The following PRRT2 variants were observed in gnomAD, a reference collection of about 807,000 sequenced individuals.
PRRT2 encodes proline-rich transmembrane protein 2.
Under a neutral mutation model 24.7 loss-of-function variants are expected in PRRT2, and 9 were observed. The ratio of observed to expected loss-of-function variants is 0.36; its 90% confidence interval spans 0.22 to 0.64. PRRT2 has a LOEUF of 0.64. Among genes scored for constraint, PRRT2 ranks in the 30% least tolerant of loss-of-function variants. The pLI, the probability that PRRT2 is intolerant of heterozygous loss-of-function variation, is 0.65. For missense variants in PRRT2, 460 were observed against 435.0 expected (o/e 1.06, Z -0.51); for synonymous variants, 195 against 175.5 (o/e 1.11, Z -0.88).
At position 29,813,935 on chromosome 16, in the gene PRRT2, T is replaced by G; in HGVS notation, c.879+2T>G. On this transcript the variant is annotated splice_donor_variant, in intron 2 of 3. Transcript: ENST00000358758. LOFTEE classifies it high-confidence loss of function. ...GTGGCCTTCGCTTATGCTGTCATGG[T>G]GAGCCCCATGGGACCCTAGCCCAGG... The G allele has an allele frequency of 6.3e-7, 1 of 1,583,032 alleles. No individual in the cohort carries two copies. The highest frequency in any genetic ancestry group is 8.6e-7 in the Non-Finnish European group (1 of 1,163,474).
In PRRT2 at chr16:29,813,241, C is replaced by T; in HGVS notation, c.187C>T (p.Pro63Ser). The T allele has an allele frequency of 1.9e-6, 3 of 1,613,854 alleles. No homozygotes were observed. Among genetic ancestry groups the T allele is most frequent in the Non-Finnish European group, 2.5e-6 (3 of 1,179,926 alleles). ...NTTAAPVDSG[P>S]KAGLAPETTE... ...CACTGCGGCCCCTGTGGACTCAGGG[C>T]CCAAGGCTGGGCTGGCTCCAGAAAC... Residue 63 changes from proline (P) to serine (S), a missense_variant, in exon 2 of 4, where the codon CCC becomes TCC. This residue lies in a region of PRRT2 where 378 missense variants were observed against 324.6 expected (regional missense o/e 1.16). Coordinates refer to ENST00000358758, the MANE Select transcript of PRRT2 (RefSeq NM_145239.3).
rs587778771 is a variant in PRRT2 at position 29,813,694 on chromosome 16, G to GCC, written c.648_649dup (p.Arg217ProfsTer13). The GCC allele has an allele frequency of 1.5e-5, 23 of 1,505,428 alleles. No homozygotes were observed. The highest frequency in any genetic ancestry group is 2.7e-6 in the Non-Finnish European group (3 of 1,105,664). 93.3% of individuals were successfully genotyped at this position (1,505,428 alleles called of 1,614,324 possible). A position where few individuals can be genotyped will look rare whatever the true frequency, so the allele number is the denominator to read the frequency against. On this transcript the variant is annotated frameshift_variant, in exon 2 of 4. Coordinates refer to ENST00000358758, the MANE Select transcript of PRRT2 (RefSeq NM_145239.3). LOFTEE classifies it high-confidence loss of function. ...AAAAAAATCCCCCCCAGCCAATGGG[G>GCC]CCCCCCCCCGAGTGCTGCAGCAGCT...
Position 29,814,106 on chromosome 16 carries a change from G to C in PRRT2, c.879+173G>C. 6.8e-7 allele frequency: 1 copy of C among 1,472,164 alleles called. No homozygotes were observed. Among genetic ancestry groups the C allele is most frequent in the South Asian group, 1.4e-5 (1 of 70,920 alleles). The allele number at this position is 1,472,164 out of a possible 1,614,324, so 91.2% of individuals were successfully genotyped here. ...CTCTCCCTAGGACCTAACCCTCTGA[G>C]CCACCACTGCCCTGCCCCTTTGGGT... On this transcript the variant is annotated intron_variant, in intron 2 of 3. Coordinates refer to ENST00000358758, the MANE Select transcript of PRRT2 (RefSeq NM_145239.3). This position sits in a 1 kb window ranked among gnomAD's most constrained non-coding sequence, Gnocchi z 4.1.
In PRRT2 at chr16:29,813,502, C is replaced by G; in HGVS notation, c.448C>G (p.Pro150Ala). 3 of 1,613,742 alleles carry G rather than the reference C, an allele frequency of 1.9e-6. No individual in the cohort carries two copies. The highest frequency in any genetic ancestry group is 2.5e-6 in the Non-Finnish European group (3 of 1,179,748). The change falls in exon 2 of 4, where the codon CCT becomes GCT. Residue 150 changes from proline to alanine, a missense_variant. This residue lies in a region of PRRT2 where 378 missense variants were observed against 324.6 expected (regional missense o/e 1.16). Transcript: ENST00000358758. ...PQPDPRPDSQ[P>A]TPKPALQPEL... is the part of the protein sequence containing the mutation. The stretch of plus-strand genomic sequence containing the variant: ...ACCAGACCCCCGGCCAGATTCCCAG[C>G]CTACCCCCAAGCCAGCCCTTCAACC...
At position 29,814,375 on chromosome 16, in the gene PRRT2, C is replaced by A. The variant is rs932713001; in HGVS notation, c.922C>A (p.Arg308Ser). 6.2e-7 allele frequency: 1 copy of A among 1,609,936 alleles called. No individual in the cohort carries two copies. The highest frequency in any genetic ancestry group is 1.3e-5 in the African/African-American group (1 of 74,966). Residue 308 changes from arginine (R) to serine (S), a missense_variant, in exon 3 of 4, where the codon CGT becomes AGT. By Grantham distance (110) the Arg-to-Ser change is moderately radical. Transcript: ENST00000358758. This position sits in a 1 kb window ranked among gnomAD's most constrained non-coding sequence, Gnocchi z 4.1. ...LQQGDVDGAQ[R>S]LGRVAKLLSI... Reference sequence around the variant, plus strand: ...GCAGGGGGACGTGGACGGGGCCCAGCGTCTGGGCCGGGTAGCCAAGCTCTT... The same window carrying A: ...GCAGGGGGACGTGGACGGGGCCCAGAGTCTGGGCCGGGTAGCCAAGCTCTT...
Position 29,813,145 on chromosome 16 carries a change from G to A in PRRT2, c.91G>A (p.Glu31Lys). 6.2e-7 allele frequency: 1 copy of A among 1,614,026 alleles called. No individual in the cohort carries two copies. The highest frequency in any genetic ancestry group is 8.5e-7 in the Non-Finnish European group (1 of 1,180,000). Residue 31 changes from glutamate to lysine, a missense_variant, in exon 2 of 4, where the codon GAA (glutamate) becomes AAA (lysine). Transcript: ENST00000358758. Reference sequence around the variant, plus strand: ...CGAAGGGCCTGGCCATTCTGAAGCTGAAACTGGCCCTCCCCAGGTCCTAGC... The same window carrying A: ...CGAAGGGCCTGGCCATTCTGAAGCTAAAACTGGCCCTCCCCAGGTCCTAGC... ...PGEGPGHSEA[E>K]TGPPQVLAGV...
In PRRT2 at chr16:29,813,279, G is replaced by A. The variant is rs199662641; in HGVS notation, c.225G>A (p.Pro75=). ...TGGCTCCAGAAACCACAGAGACCCC[G>A]GCTGGGGCCTCAGAAACAGCCCAGG... ...AGLAPETTET[P]AGASETAQAT... is the part of the protein sequence containing the mutation. The change falls in exon 2 of 4, where the codon CCG becomes CCA. Residue 75 remains proline, a synonymous_variant. Transcript: ENST00000358758. 362 of 1,613,842 alleles carry A rather than the reference G, an allele frequency of 2.2e-4. No homozygotes were observed. The highest frequency in any genetic ancestry group is 2.8e-4 in the Non-Finnish European group (335 of 1,180,002).
Position 29,813,477 on chromosome 16 carries a change from A to G in PRRT2, c.423A>G (p.Gln141=), listed in dbSNP as rs1216538908. 2 of 1,613,704 alleles carry G rather than the reference A, an allele frequency of 1.2e-6. No homozygotes were observed. The highest frequency in any genetic ancestry group is 1.1e-5 in the South Asian group (1 of 91,078). Residue 141 remains glutamine, a synonymous_variant, in exon 2 of 4, where the codon CAA becomes CAG. Transcript: ENST00000358758. ...AACCAGCCCCAGAGCCTGCTCCCCA[A>G]CCAGACCCCCGGCCAGATTCCCAGC... ...PPEPAPEPAP[Q]PDPRPDSQPT... is the part of the protein sequence containing the mutation.
rs767022699 is a variant in PRRT2 at position 29,813,030 on chromosome 16, G to C, written c.-25G>C. Reference sequence around the variant, plus strand: ...CTGCTATTCCATCCTCCCCATAGGGGCTCTCTCCCCTCTCCCATCTCAAGA... The same window carrying C: ...CTGCTATTCCATCCTCCCCATAGGGCCTCTCTCCCCTCTCCCATCTCAAGA... On this transcript the variant is annotated 5_prime_UTR_variant, in exon 2 of 4. Transcript: ENST00000358758. 3.8e-6 allele frequency: 6 copies of C among 1,570,550 alleles called. No homozygotes were observed. The Admixed American group carries it at 9.4e-5, about 25-fold the overall frequency.
Position 29,814,632 on chromosome 16 carries a change from T to C in PRRT2, c.1017T>C (p.Tyr339=). ...CTTCCCTCTCCTCTCCCACAGTGTA[T>C]AAGTGAGGGGCTCTGCCCCGCATCC... ...IASCVINLGV[Y]K The change falls in exon 4 of 4, where the codon TAT becomes TAC. Residue 339 remains tyrosine, a synonymous_variant. Coordinates refer to ENST00000358758, the MANE Select transcript of PRRT2 (RefSeq NM_145239.3). This position sits in a 1 kb window ranked among gnomAD's most constrained non-coding sequence, Gnocchi z 4.1. 1.2e-6 allele frequency: 2 copies of C among 1,611,750 alleles called. No homozygotes were observed. Among genetic ancestry groups the C allele is most frequent in the African/African-American group, 2.7e-5 (2 of 74,804 alleles).
chr16:29,813,358 G>A lies in PRRT2; in HGVS notation c.304G>A (p.Glu102Lys), dbSNP rs748419907. 8.7e-6 allele frequency: 14 copies of A among 1,613,946 alleles called. No individual in the cohort carries two copies. In the East Asian group the frequency reaches 8.9e-5, roughly 10 times the overall value. The change falls in exon 2 of 4, where the codon GAA (glutamate) becomes AAA (lysine). Residue 102 changes from glutamate to lysine, a missense_variant. By Grantham distance (56) the Glu-to-Lys change is moderately conservative (BLOSUM62 1). This residue lies in a region of PRRT2 where 378 missense variants were observed against 324.6 expected (regional missense o/e 1.16). Coordinates refer to ENST00000358758, the MANE Select transcript of PRRT2 (RefSeq NM_145239.3). ...GGESKANCSP[E>K]DPCQETVSKP... is the part of the protein sequence containing the mutation. ...GGAATCAAAGGCCAACTGCAGCCCC[G>A]AAGACCCATGCCAAGAAACAGTGTC...
In PRRT2 at chr16:29,814,820, T is replaced by C. The variant is rs771750988; in HGVS notation, c.*182T>C. 1 of 638,518 alleles carries C rather than the reference T, an allele frequency of 1.6e-6. No homozygotes were observed. The highest frequency in any genetic ancestry group is 2.0e-5 in the South Asian group (1 of 50,046). The allele number at this position is 638,518 out of a possible 1,614,324, so 39.6% of individuals were successfully genotyped here. On this transcript the variant is annotated 3_prime_UTR_variant, in exon 4 of 4. Coordinates refer to ENST00000358758, the MANE Select transcript of PRRT2 (RefSeq NM_145239.3). This position sits in a 1 kb window ranked among gnomAD's most constrained non-coding sequence, Gnocchi z 4.1. The stretch of plus-strand genomic sequence containing the variant: ...CATCTTGCCAGGCTCCTCTGCCAAC[T>C]GTAGGCCTGCCTCATCCCTGCACTG...
At chr16:29,812,926 T>C in intron 1 of PRRT2, 64 bp from the exon 2 acceptor site, 11 of 975,980 alleles carry the variant, frequency 1.1e-5, no homozygotes, top group East Asian at 4.9e-5. Context: ...TGTGGCCCAA[T>C]TGGGCCTGCA....
In PRRT2 at chr16:29,815,640, G is replaced by C. The variant is rs575643282; in HGVS notation, c.*1002G>C. On this transcript the variant is annotated 3_prime_UTR_variant, in exon 4 of 4. Transcript: ENST00000358758. ...TATAATTATTTTCTAAGATGATGGG[G>C]GAGGTTTGTTGCACGCGACAGCCCG... is the stretch of plus-strand genomic sequence containing the variant. 6.6e-6 allele frequency: 1 copy of C among 152,028 alleles called. No homozygotes were observed. Among genetic ancestry groups the C allele is most frequent in the Non-Finnish European group, 1.5e-5 (1 of 67,908 alleles). The allele number at this position is 152,028 out of a possible 1,614,324, so 9.4% of individuals were successfully genotyped here. A position where few individuals can be genotyped will look rare whatever the true frequency, so the allele number is the denominator to read the frequency against.
Position 29,814,277 on chromosome 16 carries a change from T to C in PRRT2, c.880-56T>C, listed in dbSNP as rs1033873766. On this transcript the variant is annotated intron_variant, in intron 2 of 3. Transcript: ENST00000358758. The surrounding 1 kb of genome is among the most constrained non-coding windows in gnomAD (Gnocchi z 4.1). ...GATGACTTTTCCACCTGATCCCTTC[T>C]GGGCTGGCTTCTCCTGACCCCGGCT... 3.3e-6 allele frequency: 5 copies of C among 1,535,928 alleles called. No homozygotes were observed. Among genetic ancestry groups the C allele is most frequent in the Non-Finnish European group, 4.3e-6 (5 of 1,151,764 alleles).
In PRRT2 at chr16:29,813,780, C is replaced by G. The variant is rs1900106076; in HGVS notation, c.726C>G (p.Ser242Arg). 1 of 1,604,378 alleles carries G rather than the reference C, an allele frequency of 6.2e-7. No individual in the cohort carries two copies. The highest frequency in any genetic ancestry group is 8.5e-7 in the Non-Finnish European group (1 of 1,175,162). Reference protein sequence around the residue: ...HSGHPGSPRGSLSRHPSSQLA... With the variant: ...HSGHPGSPRGRLSRHPSSQLA... ...GGCATCCAGGATCTCCCCGAGGTAG[C>G]CTGAGCCGCCACCCCAGCTCCCAGT... Residue 242 changes from serine to arginine, a missense_variant, in exon 2 of 4, where the codon AGC (serine) becomes AGG (arginine). By Grantham distance (110) the Ser-to-Arg change is moderately radical (BLOSUM62 -1). This residue lies in a region of PRRT2 where 378 missense variants were observed against 324.6 expected (regional missense o/e 1.16). Transcript: ENST00000358758.
chr16:29,815,861 A>G lies in PRRT2; in HGVS notation c.*1223A>G, dbSNP rs1286323067. 6.6e-6 allele frequency: 1 copy of G among 151,426 alleles called. No individual in the cohort carries two copies. Among genetic ancestry groups the G allele is most frequent in the Non-Finnish European group, 1.5e-5 (1 of 67,960 alleles). The allele number at this position is 151,426 out of a possible 1,614,324, so 9.4% of individuals were successfully genotyped here. A position where few individuals can be genotyped will look rare whatever the true frequency, so the allele number is the denominator to read the frequency against. On this transcript the variant is annotated 3_prime_UTR_variant, in exon 4 of 4. Coordinates refer to ENST00000358758, the MANE Select transcript of PRRT2 (RefSeq NM_145239.3). ...GATGCTGCATGAGTCTGAAACACCA[A>G]TAAACGGAGACTGCATGAGACTCGC...
chr16:29,815,694 CG>C lies in PRRT2; in HGVS notation c.*1058del, dbSNP rs1277774401. ...AGGAGGCGGGGACCGAGCTACAACGCGGTTCGGATTTGGCGGGGGTTTTTTT... is the reference window on the plus strand; with the variant it reads ...AGGAGGCGGGGACCGAGCTACAACGCGTTCGGATTTGGCGGGGGTTTTTTT... On this transcript the variant is annotated 3_prime_UTR_variant, in exon 4 of 4. Coordinates refer to ENST00000358758, the MANE Select transcript of PRRT2 (RefSeq NM_145239.3). 8.8e-6 allele frequency: 1 copy of C among 113,928 alleles called. No homozygotes were observed. The highest frequency in any genetic ancestry group is 1.7e-5 in the Non-Finnish European group (1 of 60,490). 7.1% of individuals were successfully genotyped at this position (113,928 alleles called of 1,614,324 possible).
chr16:29,814,212 C>T lies in PRRT2; in HGVS notation c.880-121C>T. 1.3e-6 allele frequency: 2 copies of T among 1,496,072 alleles called. No individual in the cohort carries two copies. Among genetic ancestry groups the T allele is most frequent in the Non-Finnish European group, 1.8e-6 (2 of 1,131,628 alleles). The allele number at this position is 1,496,072 out of a possible 1,614,324, so 92.7% of individuals were successfully genotyped here. On this transcript the variant is annotated intron_variant, in intron 2 of 3. Coordinates refer to ENST00000358758, the MANE Select transcript of PRRT2 (RefSeq NM_145239.3). This position sits in a 1 kb window ranked among gnomAD's most constrained non-coding sequence, Gnocchi z 4.1. ...CCTGCCCCTTCACTCCTCCTTCCTCCCTTACCCGCCATCTATGGGGCTGGC... is the reference window on the plus strand; with the variant it reads ...CCTGCCCCTTCACTCCTCCTTCCTCTCTTACCCGCCATCTATGGGGCTGGC...
Sources: gnomAD v4.1 joint callset for allele counts on GRCh38, gnomAD v4.1.1 for gene constraint, gnomAD v4.1.1 regional missense constraint, Gnocchi (gnomAD v3.1) non-coding constraint, MANE v1.5 for transcripts, NCBI Gene and HGNC (gene_info 2026-07-23, HGNC 2026-07-21) for gene names.